Variants in IL25 observed in about 807,000 individuals in gnomAD.
IL25 encodes the protein interleukin 25.
A neutral mutation model predicts 13.2 loss-of-function variants in IL25; 10 were observed. The ratio of observed to expected loss-of-function variants is 0.76; its 90% CI spans 0.47 to 1.29. The LOEUF is 1.29. Among genes scored for constraint, IL25 ranks in the 50% most tolerant of loss-of-function variants. IL25 has a pLI of 0.00. For missense variants in IL25, 235 were observed against 232.4 expected, an observed-to-expected ratio of 1.01 and a Z score of -0.07; for synonymous variants, 107 against 92.1, an observed-to-expected ratio of 1.16 and a Z score of -0.93.
exon 2 of IL25, chr14:23,375,766 C>T: frequency 1.2e-6 from 2 of 1,614,134 alleles, no homozygotes; most frequent in East Asian, 2.2e-5. Flanking sequence ...AGACTGTCTT[C>T]TACCGGCGGC....
intron 1 of IL25, 145 bp from the exon 3 acceptor site, chr14:23,375,480 A>G (rs929681944): frequency 5.0e-6 from 5 of 1,009,884 alleles, no homozygotes; most frequent in Non-Finnish European, 7.3e-6. Flanking sequence ...GACTTGTTCA[A>G]AGTTACACAG....
exon 2 of IL25, chr14:23,376,245 C>T: frequency 3.9e-6 from 1 of 259,042 alleles, no homozygotes; most frequent in South Asian, 7.0e-5. Flanking sequence ...GAAGAAAGAG[C>T]CCCTGGTTTT....
intron 1 of IL25, 60 bp from the exon 3 acceptor site, chr14:23,375,565 A>G: frequency 6.3e-7 from 1 of 1,580,552 alleles, no homozygotes; most frequent in Non-Finnish European, 8.6e-7. Context: ...CTCCCATGCC[A>G]CCCCACCCTC....
In IL25 at chr14:23,373,406, C is replaced by T; in HGVS notation, c.278+10C>T. 1.3e-6 allele frequency: 2 copies of T among 1,599,108 alleles called. No individual in the cohort carries two copies. The highest frequency in any genetic ancestry group is 1.7e-6 in the Non-Finnish European group (2 of 1,169,368). On this transcript the variant is annotated intron_variant, in intron 1 of 1. Transcript: ENST00000329715. ...CCCCCTGGAGATATGAGTGAGTCTG[C>T]TGCCCCTCCCGAATGCCTGCCCTGT...
Position 23,375,667 on chromosome 14 carries a change from CGCCCGTTGCCTGT to C in IL25, c.327_339del (p.Cys110ThrfsTer53). 6.2e-7 allele frequency: 1 copy of C among 1,614,238 alleles called. No homozygotes were observed. Among genetic ancestry groups the C allele is most frequent in the Non-Finnish European group, 8.5e-7 (1 of 1,180,050 alleles). On this transcript the variant is annotated frameshift_variant, in exon 2 of 2. Transcript: ENST00000329715. LOFTEE classifies it high-confidence loss of function. Reference sequence around the variant, plus strand: ...ACCGGCTCCCCCAGGACCTGTACCACGCCCGTTGCCTGTGCCCGCACTGCGTCAGCCTACAGAC... The same window carrying C: ...ACCGGCTCCCCCAGGACCTGTACCACGCCCGCACTGCGTCAGCCTACAGAC...
chr14:23,374,730 CTTTT>C (rs34356139), intron 1 of IL25, among the ~76,000 whole-genome samples: 58 of 132,864 alleles, frequency 4.4e-4, no homozygotes, highest in African/African-American at 1.4e-3. Flanking sequence ...TTCTTTCTTT[CTTTT>C]TTTTTTTTTG....
At chr14:23,374,992 C>T (rs1034730846) in intron 1 of IL25, among the ~76,000 whole-genome samples, 3 of 151,956 alleles carry the variant, frequency 2.0e-5, no homozygotes, top group Non-Finnish European at 2.9e-5. Flanking sequence ...ACCTAAAGTC[C>T]GGCCCGGTGG....
exon 2 of IL25, chr14:23,375,724 C>G: frequency 6.2e-7 from 1 of 1,614,244 alleles, no homozygotes; most frequent in East Asian, 2.2e-5. Context: ...ACATGGACCC[C>G]CGGGGCAACT....
chr14:23,373,372 G>A (rs1890465544), exon 1 of IL25: 1 of 1,613,036 alleles, frequency 6.2e-7, no homozygotes, highest in African/African-American at 1.3e-5. Flanking sequence ...CTCAACAGCA[G>A]GGCCATCTCC....
upstream of IL25, chr14:23,372,849 A>G: frequency 2.1e-6 from 2 of 968,528 alleles, no homozygotes; most frequent in South Asian, 1.5e-5. Flanking sequence ...ATAAATTTGA[A>G]TAAACAAAAC....
chr14:23,374,151 G>A (rs1308663438), intron 1 of IL25, among the ~76,000 whole-genome samples: 1 of 152,122 alleles, frequency 6.6e-6, no homozygotes, highest in Non-Finnish European at 1.5e-5. Flanking sequence ...GAGGGGGTCA[G>A]ATCTAACTGA....
At chr14:23,372,896 C>T in exon 1 of IL25, 5 of 1,455,856 alleles carry the variant, frequency 3.4e-6, no homozygotes, top group Non-Finnish European at 4.8e-6. Flanking sequence ...TCCTAACCTG[C>T]TCCAGTCAGC....
exon 1 of IL25, chr14:23,373,118 G>A: frequency 6.2e-7 from 1 of 1,614,102 alleles, no homozygotes; most frequent in African/African-American, 1.3e-5. Flanking sequence ...GGAGGGTGCA[G>A]ATGAGGGAGC....
exon 1 of IL25, chr14:23,372,883 G>T: frequency 8.0e-7 from 1 of 1,257,054 alleles, no homozygotes; most frequent in Non-Finnish European, 1.1e-6. Flanking sequence ...ATAAAATCAG[G>T]ACTCCTAACC....
At chr14:23,374,733 T>TCTTTCTTTCTTTCTTTCTTTC (rs59079443) in intron 1 of IL25, among the ~76,000 whole-genome samples, 5 of 76,736 alleles carry the variant, frequency 6.5e-5, no homozygotes, top group African/African-American at 2.3e-4. Flanking sequence ...TTTCTTTCTT[T>TCTTTCTTTCTTTCTTTCTTTC]TTTTTTTTTT....
exon 2 of IL25, chr14:23,375,833 C>T (rs767350854): frequency 7.4e-5 from 119 of 1,614,118 alleles, no homozygotes; most frequent in Admixed American, 1.0e-4. Context: ...CAGGCTGTAC[C>T]GTGTTTCCTT....
At chr14:23,372,816 C>A, upstream of IL25, 3 of 737,150 alleles carry the variant, frequency 4.1e-6, no homozygotes, top group South Asian at 1.8e-5. Flanking sequence ...AACCTCAAGT[C>A]ACTCCCTAAA....
Position 23,373,153 on chromosome 14 carries a change from C to G in IL25, c.35C>G (p.Ser12Cys), listed in dbSNP as rs767891326. Residue 12 changes from serine to cysteine, a missense_variant, in exon 1 of 2, where the codon TCT (serine) becomes TGT (cysteine). Coordinates refer to ENST00000329715, the Ensembl canonical transcript of IL25. ...CGACCCAGATTAGGTGAGGACAGTT[C>G]TCTCATTAGCCTTTTCCTACAGGTG... The G allele has an allele frequency of 4.3e-6, 7 of 1,614,180 alleles. No homozygotes were observed. The Admixed American group carries it at 8.3e-5, about 19-fold the overall frequency.
exon 2 of IL25, chr14:23,376,129 GT>G: frequency 1.9e-6 from 1 of 535,536 alleles, no homozygotes; most frequent in South Asian, 2.6e-5. Context: ...GGTTTTCAAA[GT>G]TCTGCCCATT....
Sources: gnomAD v4.1 joint callset for allele counts (sites outside exome capture counted in the v4.1 genomes callset) on GRCh38, gnomAD v4.1.1 for gene constraint, MANE v1.5 for transcripts, NCBI Gene and HGNC (gene_info 2026-07-23, HGNC 2026-07-21) for gene names.